The following NME7 variants were observed in gnomAD, a reference collection of about 807,000 sequenced individuals.
The protein encoded by NME7 is nucleoside diphosphate kinase 7.
A neutral mutation model predicts 49.1 loss-of-function variants in NME7; 41 were observed. The ratio of observed to expected loss-of-function variants is 0.83; its 90% CI spans 0.65 to 1.08. NME7 has a LOEUF of 1.08. Among genes scored for constraint, NME7 ranks in the 50% least tolerant of loss-of-function variants. NME7 has a pLI of 0.00. For missense variants in NME7, 423 were observed against 463.4 expected, an observed-to-expected ratio of 0.91 and a Z score of 0.80; for synonymous variants, 139 against 150.6, an observed-to-expected ratio of 0.92 and a Z score of 0.56.
intron 11 of NME7, among the ~76,000 whole-genome samples, chr1:169,134,787 A>C (rs541743440): frequency 6.6e-6 from 1 of 152,088 alleles, no homozygotes; most frequent in Non-Finnish European, 1.5e-5. Context: ...CACTGAATGG[A>C]TTTAAAGAAA....
chr1:169,354,466 C>G (rs1209070470), intron 1 of NME7, among the ~76,000 whole-genome samples: 1 of 151,632 alleles, frequency 6.6e-6, no homozygotes, highest in African/African-American at 2.4e-5. Context: ...AATAGCATAA[C>G]AGGGTGACTA....
intron 11 of NME7, 84 bp from the exon 12 acceptor site, chr1:169,132,901 C>T (rs1301865526): frequency 1.0e-6 from 1 of 994,024 alleles, no homozygotes; most frequent in Non-Finnish European, 1.6e-6. Context: ...TTGGTCAGGA[C>T]TTCAGACACT....
chr1:169,332,460 A>G (rs1218537632), intron 1 of NME7, among the ~76,000 whole-genome samples: 1 of 152,190 alleles, frequency 6.6e-6, no homozygotes, highest in Non-Finnish European at 1.5e-5. Context: ...CAAAGCAAAA[A>G]CGGACAAACA....
intron 10 of NME7, among the ~76,000 whole-genome samples, chr1:169,201,592 T>C (rs1004974683): frequency 6.6e-6 from 1 of 152,098 alleles, no homozygotes. Flanking sequence ...CTTGATTGAC[T>C]ATAATGGGTT....
intron 3 of NME7, among the ~76,000 whole-genome samples, chr1:169,321,045 AATAC>A (rs947934889): frequency 4.7e-4 from 71 of 152,342 alleles, no homozygotes; most frequent in African/African-American, 1.5e-3. Context: ...TCATAGTTAA[AATAC>A]ATAAATTATA....
At chr1:169,304,804 T>C (rs1301682799) in intron 4 of NME7, among the ~76,000 whole-genome samples, 1 of 152,154 alleles carries the variant, frequency 6.6e-6, no homozygotes, top group Non-Finnish European at 1.5e-5. Context: ...ATGCTCTTGC[T>C]ACTACTAACT....
At chr1:169,257,369 A>G (rs1648994804) in intron 7 of NME7, among the ~76,000 whole-genome samples, 1 of 133,638 alleles carries the variant, frequency 7.5e-6, no homozygotes, top group Non-Finnish European at 1.8e-5. Context: ...CAGAAAGGGA[A>G]CTCCCTGACC....
chr1:169,363,917 T>C (rs1407776958), intron 1 of NME7, among the ~76,000 whole-genome samples: 1 of 152,190 alleles, frequency 6.6e-6, no homozygotes, highest in Non-Finnish European at 1.5e-5. Context: ...TTTGATAACA[T>C]AATGTAAGAC....
chr1:169,323,043 T>TC, intron 3 of NME7, 74 bp downstream of exon 3: 4 of 1,243,082 alleles, frequency 3.2e-6, no homozygotes, highest in Non-Finnish European at 4.3e-6. Context: ...GGTTACATAC[T>TC]CCCAGTCTTG....
intron 3 of NME7, among the ~76,000 whole-genome samples, chr1:169,316,473 T>A (rs1651631258): frequency 6.6e-6 from 1 of 152,162 alleles, no homozygotes; most frequent in African/African-American, 2.4e-5. Flanking sequence ...AATGTCCACA[T>A]TATAATCTCC....
intron 6 of NME7, among the ~76,000 whole-genome samples, chr1:169,292,442 G>C (rs1014779582): frequency 2.0e-5 from 3 of 152,150 alleles, no homozygotes; most frequent in Non-Finnish European, 4.4e-5. Flanking sequence ...TAAAGAATTT[G>C]TATGCATAAT....
Position 169,179,242 on chromosome 1 carries a change from T to C in NME7, c.991-9688A>G, listed in dbSNP as rs1021197720. Among the ~76,000 whole-genome samples, 4 of 152,158 alleles carry C rather than the reference T, an allele frequency of 2.6e-5. No homozygotes were observed. The East Asian group carries it at 7.7e-4, about 29-fold the overall frequency. ...TCACTGATCATTAGAGAAATGCAAA[T>C]CAAAACCACAATGTGATACCATCTC... On this transcript the variant is annotated intron_variant, in intron 10 of 11. Transcript: ENST00000367811.
intron 1 of NME7, among the ~76,000 whole-genome samples, chr1:169,348,763 C>CTTGA (rs1247149778): frequency 1.3e-5 from 2 of 151,892 alleles, no homozygotes; most frequent in African/African-American, 4.8e-5. Flanking sequence ...TTTGCAGAGC[C>CTTGA]CTAGTCAAGT....
At chr1:169,172,156 C>T (rs965597661) in intron 10 of NME7, among the ~76,000 whole-genome samples, 3 of 152,078 alleles carry the variant, frequency 2.0e-5, no homozygotes, top group Non-Finnish European at 2.9e-5. Flanking sequence ...ATGTGCAGCC[C>T]ACCCAGTACC....
chr1:169,305,449 A>G (rs1028378824), intron 4 of NME7, among the ~76,000 whole-genome samples: 1 of 152,240 alleles, frequency 6.6e-6, no homozygotes, highest in Non-Finnish European at 1.5e-5. Context: ...CGGAACCGAC[A>G]TTTGAACAAA....
intron 8 of NME7, among the ~76,000 whole-genome samples, chr1:169,236,462 A>G (rs1048815433): frequency 7.2e-5 from 11 of 152,090 alleles, no homozygotes; most frequent in African/African-American, 2.7e-4. Context: ...TATTTTTTTC[A>G]TTAGTACAAA....
chr1:169,206,779 G>T (rs1660686143), intron 10 of NME7, among the ~76,000 whole-genome samples: 1 of 152,052 alleles, frequency 6.6e-6, no homozygotes, highest in African/African-American at 2.4e-5. Flanking sequence ...AAATAGCAAT[G>T]ACTGTAAATG....
rs570340654 is a variant in NME7, at chr1:169,241,848, A to C, written c.755-4161T>G. On this transcript the variant is annotated intron_variant, in intron 7 of 11. Transcript: ENST00000367811. ...CAATTCACTTTATAAAACTAGTATT[A>C]TCCTGATATTGAAATCATATGAAGA... 2.6e-5 allele frequency among the ~76,000 whole-genome samples: 4 copies of C among 152,042 alleles called. No homozygotes were observed. In the South Asian group the frequency reaches 6.2e-4, roughly 24 times the overall value.
At position 169,172,819 on chromosome 1, in the gene NME7, T is replaced by G. The variant is rs536938789; in HGVS notation, c.991-3265A>C. Among the ~76,000 whole-genome samples, 8 of 152,352 alleles carry G rather than the reference T, an allele frequency of 5.3e-5. No homozygotes were observed. In the South Asian group the frequency reaches 1.4e-3, roughly 28 times the overall value. On this transcript the variant is annotated intron_variant, in intron 10 of 11. Coordinates refer to ENST00000367811, the MANE Select transcript of NME7 (RefSeq NM_013330.5). ...CCTTCCCAATCAGAGTAATCCTTGC[T>G]TCTTCAATGTTCCTACAGTAGTTTA...
Sources: allele counts gnomAD v4.1 joint callset (sites outside exome capture counted in the v4.1 genomes callset), GRCh38; gene constraint gnomAD v4.1.1; transcripts MANE v1.5; gene names NCBI Gene and HGNC (gene_info 2026-07-23, HGNC 2026-07-21).